The following CADPS2 variants were observed in gnomAD, a reference collection of about 807,000 sequenced individuals.
The protein encoded by CADPS2 is calcium dependent secretion activator 2.
A neutral mutation model predicts 172.5 loss-of-function variants in CADPS2; 93 were observed. The ratio of observed to expected loss-of-function variants is 0.54; its 90% CI spans 0.46 to 0.64. CADPS2 has a LOEUF of 0.64. Among genes scored for constraint, CADPS2 ranks in the 30% least tolerant of loss-of-function variants. The pLI is 0.00. For missense variants in CADPS2, 1,420 were observed against 1,565.9 expected, an observed-to-expected ratio of 0.91 and a Z score of 1.57; for synonymous variants, 546 against 555.2, an observed-to-expected ratio of 0.98 and a Z score of 0.23.
At chr7:122,813,570 C>A (rs17611216) in intron 1 of CADPS2, among the ~76,000 whole-genome samples, 1 of 151,980 alleles carries the variant, frequency 6.6e-6, no homozygotes, top group East Asian at 1.9e-4. Context: ...CTTTCAAATG[C>A]AGAAATGTTC....
chr7:122,592,779 T>G (rs190252245), intron 6 of CADPS2, among the ~76,000 whole-genome samples: 1 of 150,420 alleles, frequency 6.6e-6, no homozygotes, highest in Non-Finnish European at 1.5e-5. Flanking sequence ...TAGGTGGGAA[T>G]TGAACAATAA....
intron 1 of CADPS2, among the ~76,000 whole-genome samples, chr7:122,847,970 A>G (rs565037155): frequency 6.6e-6 from 1 of 152,230 alleles, no homozygotes; most frequent in Non-Finnish European, 1.5e-5. Flanking sequence ...GGTGGGAACA[A>G]AAGAAAACTA....
At chr7:122,707,798 T>TTA (rs575778719) in intron 2 of CADPS2, among the ~76,000 whole-genome samples, 264 of 150,050 alleles carry the variant, frequency 1.8e-3, no homozygotes, top group East Asian at 3.1e-3. Flanking sequence ...TAATGTTTTC[T>TTA]TATATATATA....
chr7:122,844,273 C>A (rs2140976341), intron 1 of CADPS2, among the ~76,000 whole-genome samples: 1 of 152,330 alleles, frequency 6.6e-6, no homozygotes, highest in South Asian at 2.1e-4. Context: ...TTGTATGAAA[C>A]TTTATCCTTT....
chr7:122,592,112 A>C (rs1023498621), intron 6 of CADPS2, among the ~76,000 whole-genome samples: 1 of 152,190 alleles, frequency 6.6e-6, no homozygotes, highest in Non-Finnish European at 1.5e-5. Flanking sequence ...AATATCCAGA[A>C]TCTACAAAGA....
intron 15 of CADPS2, among the ~76,000 whole-genome samples, chr7:122,444,781 C>A (rs10231359): frequency 1.3e-5 from 2 of 152,082 alleles, no homozygotes; most frequent in African/African-American, 4.8e-5. Context: ...TTTGGAAGAT[C>A]GAAAGTTCTC....
intron 7 of CADPS2, among the ~76,000 whole-genome samples, chr7:122,570,877 C>A (rs548063179): frequency 6.6e-6 from 1 of 151,966 alleles, no homozygotes; most frequent in Non-Finnish European, 1.5e-5. Flanking sequence ...ACTCTGGAGA[C>A]TGTTGTGAGG....
Position 122,576,880 on chromosome 7 carries a change from C to T in CADPS2, c.1335+4299G>A, listed in dbSNP as rs543762824. Among the ~76,000 whole-genome samples, 118 of 151,990 alleles carry T rather than the reference C, an allele frequency of 7.8e-4. 1 individual carries two copies. In the South Asian group the frequency reaches 0.022, roughly 28 times the overall value. ...GTTCAAGTGATTCTCCTGCCTTAGC[C>T]TCCTGAGTAGCTGGGGTTACAGGTG... is the stretch of plus-strand genomic sequence containing the variant. On this transcript the variant is annotated intron_variant, in intron 7 of 29. Transcript: ENST00000449022.
At chr7:122,549,210 A>G (rs754526820) in intron 8 of CADPS2, among the ~76,000 whole-genome samples, 19 of 152,128 alleles carry the variant, frequency 1.2e-4, no homozygotes, top group Admixed American at 3.9e-4. Context: ...CAGCCTGGGC[A>G]ACATAGCGAA....
At chr7:122,392,389 G>GTT (rs759134436) in intron 22 of CADPS2, among the ~76,000 whole-genome samples, 15 of 146,710 alleles carry the variant, frequency 1.0e-4, no homozygotes, top group African/African-American at 3.5e-4. Context: ...CCTCAATACA[G>GTT]TTTTTTTTTT....
intron 2 of CADPS2, among the ~76,000 whole-genome samples, chr7:122,697,213 AT>A (rs1054311729): frequency 5.3e-5 from 8 of 152,292 alleles, no homozygotes; most frequent in African/African-American, 1.7e-4. Flanking sequence ...CACAAAAAAA[AT>A]GTACTAACTG....
At chr7:122,341,997 A>G (rs1204122995) in intron 28 of CADPS2, among the ~76,000 whole-genome samples, 2 of 152,192 alleles carry the variant, frequency 1.3e-5, no homozygotes, top group Admixed American at 6.5e-5. Flanking sequence ...AAATGTGACT[A>G]CTTATGAGGT....
At chr7:122,518,305 T>C (rs1421498264) in intron 8 of CADPS2, among the ~76,000 whole-genome samples, 2 of 152,140 alleles carry the variant, frequency 1.3e-5, no homozygotes, top group African/African-American at 4.8e-5. Flanking sequence ...GTTATAAAAA[T>C]AAATTATAAT....
intron 1 of CADPS2, among the ~76,000 whole-genome samples, chr7:122,787,914 G>A (rs1402449681): frequency 1.3e-5 from 2 of 152,104 alleles, no homozygotes; most frequent in African/African-American, 4.8e-5. Context: ...TTAAAAAACT[G>A]GAAAGGCTTT....
chr7:122,576,789 T>G (rs2132700538), intron 7 of CADPS2, among the ~76,000 whole-genome samples: 1 of 151,630 alleles, frequency 6.6e-6, no homozygotes, highest in East Asian at 1.9e-4. Flanking sequence ...TTTTTTTTTT[T>G]TGAGATGGAG....
chr7:122,842,141 C>T (rs34102364), intron 1 of CADPS2, among the ~76,000 whole-genome samples: 32,638 of 152,042 alleles, frequency 0.21, 3,751 homozygotes, highest in Middle Eastern at 0.31. Flanking sequence ...CTCAGGAACA[C>T]GGCCCACTTC....
intron 3 of CADPS2, among the ~76,000 whole-genome samples, chr7:122,645,679 A>ATC (rs1467040074): frequency 7.6e-5 from 5 of 65,394 alleles, no homozygotes; most frequent in African/African-American, 1.7e-4. Flanking sequence ...ATATATATAT[A>ATC]TATCTTGGGA....
intron 8 of CADPS2, among the ~76,000 whole-genome samples, chr7:122,534,156 TG>T (rs2062020609): frequency 6.6e-6 from 1 of 152,146 alleles, no homozygotes; most frequent in Admixed American, 6.6e-5. Context: ...TTCTATTTAT[TG>T]CACCTGAATT....
chr7:122,791,263 G>C (rs1218652614), intron 1 of CADPS2, among the ~76,000 whole-genome samples: 3 of 152,074 alleles, frequency 2.0e-5, no homozygotes, highest in African/African-American at 7.2e-5. Flanking sequence ...TTAATGTTCA[G>C]ATTTTAAACT....
Sources: gnomAD v4.1 joint callset for allele counts (sites outside exome capture counted in the v4.1 genomes callset) on GRCh38, gnomAD v4.1.1 for gene constraint, MANE v1.5 for transcripts, NCBI Gene and HGNC (gene_info 2026-07-23, HGNC 2026-07-21) for gene names.